Variants in CSMD1 observed in about 807,000 individuals in gnomAD.
CSMD1 encodes CUB and sushi domain-containing protein 1.
In CSMD1, 213 loss-of-function variants were observed where a neutral mutation model predicts 417.5. The ratio of observed to expected loss-of-function variants is 0.51; its 90% CI spans 0.46 to 0.57. The LOEUF is 0.57. Among genes scored for constraint, CSMD1 ranks in the 20% least tolerant of loss-of-function variants. The pLI, the probability that CSMD1 is intolerant of heterozygous loss-of-function variation, is 0.00. For missense variants in CSMD1, 6,923 were observed against 4,529.7 expected (o/e 1.53, Z -15.17); for synonymous variants, 2,862 against 1,736.8 (o/e 1.65, Z -16.11).
chr8:3,045,450 C>A (rs111576156), intron 50 of CSMD1, among the ~76,000 whole-genome samples: 7 of 152,242 alleles, frequency 4.6e-5, no homozygotes, highest in African/African-American at 1.7e-4. Context: ...TTTACATAGG[C>A]ACAAAACCGT....
intron 7 of CSMD1, among the ~76,000 whole-genome samples, chr8:3,666,810 A>C (rs1271991295): frequency 6.6e-6 from 1 of 151,940 alleles, no homozygotes; most frequent in Non-Finnish European, 1.5e-5. Context: ...CTCCTCAGCC[A>C]TGTGGAACTG....
At chr8:3,893,980 C>A (rs1807172713) in intron 5 of CSMD1, among the ~76,000 whole-genome samples, 1 of 152,062 alleles carries the variant, frequency 6.6e-6, no homozygotes, top group Non-Finnish European at 1.5e-5. Context: ...ACTGGCAACA[C>A]CTCTTCCCAT....
At chr8:3,490,598 C>G (rs1401434138) in intron 11 of CSMD1, among the ~76,000 whole-genome samples, 2 of 152,106 alleles carry the variant, frequency 1.3e-5, no homozygotes, top group African/African-American at 4.8e-5. Flanking sequence ...TTCCCACAGG[C>G]TGGAAAAGTT....
chr8:3,261,582 A>G (rs908455136), intron 26 of CSMD1, among the ~76,000 whole-genome samples: 1 of 152,264 alleles, frequency 6.6e-6, no homozygotes, highest in East Asian at 1.9e-4. Context: ...AGGAGTCCCA[A>G]TCTGGAAATT....
chr8:4,336,772 G>T (rs935519509), intron 3 of CSMD1, among the ~76,000 whole-genome samples: 2 of 152,048 alleles, frequency 1.3e-5, no homozygotes, highest in African/African-American at 4.8e-5. Flanking sequence ...GGGCAAAGCT[G>T]GGCCCAGAGG....
chr8:3,670,609 T>C (rs1403179688), intron 7 of CSMD1, among the ~76,000 whole-genome samples: 2 of 148,282 alleles, frequency 1.3e-5, no homozygotes, highest in Non-Finnish European at 3.0e-5. Flanking sequence ...ATTGCACATA[T>C]ATATGGGGAT....
intron 5 of CSMD1, among the ~76,000 whole-genome samples, chr8:3,814,183 T>G (rs544899441): frequency 3.9e-5 from 6 of 152,196 alleles, no homozygotes; most frequent in Non-Finnish European, 8.8e-5. Flanking sequence ...AGATGCAAAC[T>G]GCAAGACACT....
chr8:3,635,483 CTTTTTTTT>C (rs562990317), intron 7 of CSMD1, among the ~76,000 whole-genome samples: 1 of 125,932 alleles, frequency 7.9e-6, no homozygotes, highest in Non-Finnish European at 1.7e-5. Flanking sequence ...GACTCCATCT[CTTTTTTTT>C]TTTTTTTTTT....
intron 1 of CSMD1, among the ~76,000 whole-genome samples, chr8:4,714,880 C>T (rs147953320): frequency 4.7e-4 from 71 of 152,156 alleles, no homozygotes; most frequent in African/African-American, 1.6e-3. Context: ...ATCTGTATAC[C>T]TTTAGAATAA....
chr8:4,099,513 G>C (rs1243173922), intron 3 of CSMD1, among the ~76,000 whole-genome samples: 1 of 151,816 alleles, frequency 6.6e-6, no homozygotes, highest in African/African-American at 2.4e-5. Context: ...GTTCACTACG[G>C]ATTGTGCCAT....
chr8:4,883,685 A>G (rs2116967615), intron 1 of CSMD1, among the ~76,000 whole-genome samples: 1 of 152,206 alleles, frequency 6.6e-6, no homozygotes, highest in Admixed American at 6.5e-5. Context: ...AATAATAACC[A>G]ATTGTATGGC....
chr8:3,758,929 C>G (rs1304257570), intron 5 of CSMD1, among the ~76,000 whole-genome samples: 1 of 152,148 alleles, frequency 6.6e-6, no homozygotes, highest in Non-Finnish European at 1.5e-5. Flanking sequence ...GGTAGAAGAG[C>G]CTGTGGACAA....
At chr8:4,218,009 A>G (rs759126312) in intron 3 of CSMD1, among the ~76,000 whole-genome samples, 1 of 152,168 alleles carries the variant, frequency 6.6e-6, no homozygotes, top group Non-Finnish European at 1.5e-5. Context: ...CAACCTCACA[A>G]AAAGAAAACC....
chr8:4,381,308 G>A lies in CSMD1; in HGVS notation c.415+38645C>T, dbSNP rs577172890. On this transcript the variant is annotated intron_variant, in intron 3 of 69. Transcript: ENST00000635120. ...GAGGTTGGGGAAACCACTGGGTGGG[G>A]AATTGCACTGGCTATTCATTCCCAA... 1.2e-3 allele frequency among the ~76,000 whole-genome samples: 180 copies of A among 152,232 alleles called. 2 individuals carry two copies. The highest frequency in any genetic ancestry group is 4.2e-3 in the African/African-American group (173 of 41,536).
At chr8:4,726,151 C>T (rs569802207) in intron 1 of CSMD1, among the ~76,000 whole-genome samples, 4 of 152,068 alleles carry the variant, frequency 2.6e-5, no homozygotes, top group Non-Finnish European at 5.9e-5. Flanking sequence ...CATTTGCATC[C>T]AGATGAATAC....
At chr8:3,366,116 T>C (rs1353225835) in intron 20 of CSMD1, among the ~76,000 whole-genome samples, 1 of 152,164 alleles carries the variant, frequency 6.6e-6, no homozygotes, top group East Asian at 1.9e-4. Context: ...TTACATTTGA[T>C]CTGGGCTATG....
intron 1 of CSMD1, among the ~76,000 whole-genome samples, chr8:4,961,940 G>C (rs1262251721): frequency 6.6e-6 from 1 of 151,380 alleles, no homozygotes; most frequent in Non-Finnish European, 1.5e-5. Context: ...TATAACATTT[G>C]TTATTGTCTG....
chr8:4,098,724 T>C (rs1362273778), intron 3 of CSMD1, among the ~76,000 whole-genome samples: 2 of 152,220 alleles, frequency 1.3e-5, no homozygotes, highest in Non-Finnish European at 2.9e-5. Flanking sequence ...TTTATTTCCA[T>C]TCAGCAATAT....
rs1029174090 is a variant in CSMD1, at chr8:3,420,850, T to C, written c.1562-11245A>G. ...AAGATGGTACTTGTTCACGCTCCAA[T>C]ATATTAAAAATAATAAGTAAAATGC... On this transcript the variant is annotated intron_variant, in intron 12 of 69. Coordinates refer to ENST00000635120, the MANE Select transcript of CSMD1 (RefSeq NM_033225.6). Among the ~76,000 whole-genome samples, 4 of 152,172 alleles carry C rather than the reference T, an allele frequency of 2.6e-5. 1 individual carries two copies. Among genetic ancestry groups the C allele is most frequent in the South Asian group, 4.1e-4 (2 of 4,828 alleles).
Sources: allele counts gnomAD v4.1 joint callset (sites outside exome capture counted in the v4.1 genomes callset), GRCh38; gene constraint gnomAD v4.1.1; transcripts MANE v1.5; gene names NCBI Gene and HGNC (gene_info 2026-07-23, HGNC 2026-07-21).